Variants in KIAA1217 observed in about 807,000 individuals in gnomAD.
The protein encoded by KIAA1217 is sickle tail protein homolog.
KIAA1217 carries 88 observed loss-of-function variants against 163.9 expected under a neutral mutation model. That is an observed-to-expected ratio of 0.54 (90% CI 0.45 to 0.64). The LOEUF (loss-of-function observed/expected upper bound fraction) is 0.64. Among genes scored for constraint, KIAA1217 ranks in the 30% least tolerant of loss-of-function variants. The probability of loss-of-function intolerance (pLI) is 0.00; values close to 1 mark genes in which losing one functional copy is unlikely to be tolerated. For missense variants in KIAA1217, 2,372 were observed against 2,475.0 expected (o/e 0.96, Z 0.88); for synonymous variants, 903 against 923.1 (o/e 0.98, Z 0.39).
At chr10:23,725,878 A>G (rs1238110317) in intron 1 of KIAA1217, among the ~76,000 whole-genome samples, 4 of 152,240 alleles carry the variant, frequency 2.6e-5, no homozygotes, top group Non-Finnish European at 5.9e-5. Context: ...CTGCTAATAG[A>G]TATGTATACC....
chr10:23,764,872 T>C (rs1264666938), intron 1 of KIAA1217, among the ~76,000 whole-genome samples: 1 of 152,186 alleles, frequency 6.6e-6, no homozygotes, highest in Non-Finnish European at 1.5e-5. Flanking sequence ...CATATACCTA[T>C]GTAACAAACC....
chr10:24,429,420 T>C (rs1055596255), intron 3 of KIAA1217, among the ~76,000 whole-genome samples: 1 of 152,206 alleles, frequency 6.6e-6, no homozygotes, highest in African/African-American at 2.4e-5. Flanking sequence ...CTGATCTCTT[T>C]TACCCAAATC....
intron 1 of KIAA1217, among the ~76,000 whole-genome samples, chr10:23,869,295 A>G (rs1421558822): frequency 2.6e-5 from 4 of 151,952 alleles, no homozygotes; most frequent in African/African-American, 9.7e-5. Context: ...CATATCCAGC[A>G]CTACTAAATT....
chr10:23,831,587 T>A (rs1292302106), intron 1 of KIAA1217, among the ~76,000 whole-genome samples: 2 of 152,156 alleles, frequency 1.3e-5, no homozygotes, highest in Non-Finnish European at 2.9e-5. Flanking sequence ...CTTGTACGTT[T>A]AAATAATTGT....
intron 2 of KIAA1217, among the ~76,000 whole-genome samples, chr10:24,336,442 T>G (rs1030445049): frequency 1.3e-5 from 2 of 152,234 alleles, no homozygotes; most frequent in African/African-American, 4.8e-5. Flanking sequence ...ATAAGCACTG[T>G]AGAGTGTTGC....
intron 2 of KIAA1217, among the ~76,000 whole-genome samples, chr10:24,141,864 A>C (rs1484783692): frequency 4.1e-5 from 3 of 73,674 alleles, no homozygotes; most frequent in African/African-American, 1.7e-4. Flanking sequence ...ATAAATTTCT[A>C]TTGTTTTTTT....
At chr10:24,019,159 G>A (rs1772100176) in intron 2 of KIAA1217, among the ~76,000 whole-genome samples, 1 of 152,036 alleles carries the variant, frequency 6.6e-6, no homozygotes, top group Non-Finnish European at 1.5e-5. Flanking sequence ...GATAATGTGT[G>A]TAGTATACTT....
At chr10:24,304,802 T>C (rs2041823075) in intron 2 of KIAA1217, among the ~76,000 whole-genome samples, 3 of 152,296 alleles carry the variant, frequency 2.0e-5, no homozygotes, top group African/African-American at 2.4e-5. Flanking sequence ...CTATGTAGCC[T>C]CTACAAGAGC....
intron 2 of KIAA1217, among the ~76,000 whole-genome samples, chr10:24,305,940 G>T (rs1564440405): frequency 6.6e-6 from 1 of 152,044 alleles, no homozygotes; most frequent in Non-Finnish European, 1.5e-5. Context: ...AGAGCAAGGA[G>T]AGAAAATGGT....
chr10:24,282,823 C>CTTTTT (rs34486953), intron 2 of KIAA1217, among the ~76,000 whole-genome samples: 2 of 46,238 alleles, frequency 4.3e-5, no homozygotes, highest in African/African-American at 8.8e-5. Flanking sequence ...GGTGTTGCTT[C>CTTTTT]TTTTTTTTTT....
chr10:24,301,870 C>T (rs1169865718), intron 2 of KIAA1217, among the ~76,000 whole-genome samples: 2 of 151,882 alleles, frequency 1.3e-5, no homozygotes, highest in Non-Finnish European at 2.9e-5. Flanking sequence ...TGTGGTGAAA[C>T]CCTGTATCTA....
chr10:24,061,768 C>T (rs1413247909), intron 2 of KIAA1217, among the ~76,000 whole-genome samples: 2 of 152,188 alleles, frequency 1.3e-5, no homozygotes, highest in Non-Finnish European at 2.9e-5. Flanking sequence ...TCTCAAAGCT[C>T]CCTTGTATGT....
At chr10:23,798,410 C>T (rs1836308031) in intron 1 of KIAA1217, among the ~76,000 whole-genome samples, 1 of 152,236 alleles carries the variant, frequency 6.6e-6, no homozygotes, top group Non-Finnish European at 1.5e-5. Flanking sequence ...TCCATCACCA[C>T]TTCTACCCAT....
At chr10:24,159,835 A>C (rs749579797) in intron 2 of KIAA1217, among the ~76,000 whole-genome samples, 2 of 152,212 alleles carry the variant, frequency 1.3e-5, no homozygotes, top group African/African-American at 2.4e-5. Flanking sequence ...TCTATGATAT[A>C]TACAGTGTCT....
intron 5 of KIAA1217, among the ~76,000 whole-genome samples, chr10:24,468,399 G>A (rs573843887): frequency 6.6e-6 from 1 of 152,146 alleles, no homozygotes; most frequent in Non-Finnish European, 1.5e-5. Context: ...CATGATCCTG[G>A]TTCTTTTTAA....
intron 2 of KIAA1217, among the ~76,000 whole-genome samples, chr10:24,167,945 A>G (rs1401163360): frequency 6.6e-6 from 1 of 152,136 alleles, no homozygotes; most frequent in Non-Finnish European, 1.5e-5. Flanking sequence ...AACAAACCCA[A>G]TCCTGAGATA....
At position 23,712,639 on chromosome 10, in the gene KIAA1217, T is replaced by A. The variant is rs140166081; in HGVS notation, c.-321+17405T>A. Among the ~76,000 whole-genome samples the A allele has an allele frequency of 4.5e-4, 68 of 152,228 alleles. No individual in the cohort carries two copies. In the East Asian group the frequency reaches 0.012, roughly 26 times the overall value. The stretch of plus-strand genomic sequence containing the variant: ...CAAATAATTTAAGCCAAATTAATAT[T>A]CATTGCAAATGTCAGGAGCAGTTGA... On this transcript the variant is annotated intron_variant, in intron 1 of 18. Transcript: ENST00000376462.
At chr10:23,724,199 A>G (rs1838014076) in intron 1 of KIAA1217, among the ~76,000 whole-genome samples, 1 of 152,160 alleles carries the variant, frequency 6.6e-6, no homozygotes, top group African/African-American at 2.4e-5. Flanking sequence ...GAGGGTTACA[A>G]TTAGATGTGA....
chr10:23,834,301 GC>G (rs1445453706), intron 1 of KIAA1217, among the ~76,000 whole-genome samples: 1 of 152,150 alleles, frequency 6.6e-6, no homozygotes, highest in Non-Finnish European at 1.5e-5. Context: ...TAGACACAAA[GC>G]TTTTCCTCCA....
Sources: allele counts gnomAD v4.1 joint callset (sites outside exome capture counted in the v4.1 genomes callset), GRCh38; gene constraint gnomAD v4.1.1; transcripts MANE v1.5; gene names NCBI Gene and HGNC (gene_info 2026-07-23, HGNC 2026-07-21).